ZFYVE16: variants seen among roughly 807,000 people sequenced by gnomAD.
ZFYVE16 encodes the protein zinc finger FYVE-type containing 16.
ZFYVE16 carries 89 observed loss-of-function variants against 138.1 expected under a neutral mutation model. The ratio of observed to expected loss-of-function variants is 0.64; its 90% confidence interval spans 0.54 to 0.77. The LOEUF (loss-of-function observed/expected upper bound fraction) is 0.77. Among genes scored for constraint, ZFYVE16 ranks in the 30% least tolerant of loss-of-function variants. The probability of loss-of-function intolerance (pLI) is 0.00; values close to 1 mark genes in which losing one functional copy is unlikely to be tolerated. For missense variants in ZFYVE16, 1,793 were observed against 1,786.7 expected (o/e 1.00, Z -0.06); for synonymous variants, 596 against 618.3 (o/e 0.96, Z 0.53).
In ZFYVE16 at chr5:80,438,928, C is replaced by G. The variant is rs772240800; in HGVS notation, c.2243C>G (p.Ser748Ter). 11 of 1,614,094 alleles carry G rather than the reference C, an allele frequency of 6.8e-6. No individual in the cohort carries two copies. The highest frequency in any genetic ancestry group is 1.3e-5 in the African/African-American group (1 of 75,062). Reference sequence around the variant, plus strand: ...AAACAGCCTACTTGGGTTCCTGATTCAGAAGCTCCAAACTGTATGAACTGC... The same window carrying G: ...AAACAGCCTACTTGGGTTCCTGATTGAGAAGCTCCAAACTGTATGAACTGC... Reference protein sequence around the residue: ...GQKQPTWVPDSEAPNCMNCQV... With the variant: ...GQKQPTWVPD Residue 748 changes from serine (S) to a stop codon, truncating the protein, a stop_gained, in exon 4 of 19, where the codon TCA becomes TGA. Transcript: ENST00000505560. LOFTEE classifies it high-confidence loss of function.
chr5:80,416,655 A>G (rs563474003), intron 1 of ZFYVE16, among the ~76,000 whole-genome samples: 1 of 148,598 alleles, frequency 6.7e-6, no homozygotes, highest in South Asian at 2.1e-4. Context: ...TGGGTCTTGT[A>G]TCTCTTTGAC....
intron 15 of ZFYVE16, among the ~76,000 whole-genome samples, chr5:80,465,396 C>CTTTTTTTTTTTT (rs1187412933): frequency 3.8e-3 from 101 of 26,284 alleles, no homozygotes; most frequent in Non-Finnish European, 8.5e-3. Flanking sequence ...TTTTCCTTTT[C>CTTTTTTTTTTTT]TTTGTTTTTT....
chr5:80,456,576 T>G lies in ZFYVE16; in HGVS notation c.3795+11T>G, dbSNP rs1225923475. 3.1e-6 allele frequency: 5 copies of G among 1,592,226 alleles called. No homozygotes were observed. Among genetic ancestry groups the G allele is most frequent in the Non-Finnish European group, 4.3e-6 (5 of 1,164,698 alleles). On this transcript the variant is annotated intron_variant, in intron 13 of 18. Transcript: ENST00000505560. The stretch of plus-strand genomic sequence containing the variant: ...AAAAAGTACAGTGATGTAAGTATAA[T>G]TGTTTTATTCAAATGACAATTATTG...
rs1321722842 is a variant in ZFYVE16 at position 80,483,269 on chromosome 5, G to C, written c.*5892G>C. 1.3e-5 allele frequency: 2 copies of C among 152,154 alleles called. No individual in the cohort carries two copies. Among genetic ancestry groups the C allele is most frequent in the Non-Finnish European group, 2.9e-5 (2 of 68,024 alleles). The allele number at this position is 152,154 out of a possible 1,614,324, so 9.4% of individuals were successfully genotyped here. ...AAGGAAGTTCATGGGGAAGGAAAATGATTGCAAAGAAGGAAGAGCAACCAA... is the reference window on the plus strand; with the variant it reads ...AAGGAAGTTCATGGGGAAGGAAAATCATTGCAAAGAAGGAAGAGCAACCAA... On this transcript the variant is annotated 3_prime_UTR_variant, in exon 19 of 19. Transcript: ENST00000505560.
At chr5:80,409,866 A>G (rs752545602) in intron 1 of ZFYVE16, 4 of 152,196 alleles carry the variant, frequency 2.6e-5, no homozygotes, top group Non-Finnish European at 5.9e-5. Context: ...TTAAAATTTT[A>G]CACTGTTACA....
At chr5:80,426,011 A>G (rs896818966) in intron 1 of ZFYVE16, among the ~76,000 whole-genome samples, 52 of 152,132 alleles carry the variant, frequency 3.4e-4, no homozygotes, top group African/African-American at 1.2e-3. Flanking sequence ...TTCATCAGTA[A>G]TTATTTTGTT....
Position 80,445,349 on chromosome 5 carries a change from T to C in ZFYVE16, c.2668T>C (p.Ser890Pro), listed in dbSNP as rs146812154. 1,001 of 1,614,006 alleles carry C rather than the reference T, an allele frequency of 6.2e-4. No individual in the cohort carries two copies. Among genetic ancestry groups the C allele is most frequent in the Non-Finnish European group, 8.0e-4 (945 of 1,179,946 alleles). ...AGTTGCAGATACAACAAAATTATCA[T>C]CTGGAAGTAAAAGATGTTCTGAAGA... ...GEVADTTKLS[S>P]GSKRCSEDFS... Residue 890 changes from serine to proline, a missense_variant, in exon 7 of 19, where the codon TCT (serine) becomes CCT (proline). Ser to Pro is a moderately conservative substitution (Grantham distance 74, BLOSUM62 -1). Around this residue, in one of 2 missense-constraint regions of ZFYVE16, gnomAD observed 1,295 missense variants for 1,204.3 expected, o/e 1.08. Coordinates refer to ENST00000505560, the MANE Select transcript of ZFYVE16 (RefSeq NM_001284236.3).
At chr5:80,417,620 A>ATAC (rs1426883345) in intron 1 of ZFYVE16, among the ~76,000 whole-genome samples, 2 of 152,210 alleles carry the variant, frequency 1.3e-5, no homozygotes, top group Non-Finnish European at 2.9e-5. Flanking sequence ...AGTATACAGT[A>ATAC]AGATTCACTC....
At chr5:80,443,426 G>C in intron 6 of ZFYVE16, 142 bp downstream of exon 6, 1 of 1,042,564 alleles carries the variant, frequency 9.6e-7, no homozygotes, top group Non-Finnish European at 1.4e-6. Flanking sequence ...TACACATGCA[G>C]GCTGGAAGAC....
chr5:80,481,094 C>T lies in ZFYVE16; in HGVS notation c.*3717C>T, dbSNP rs755219372. Among the ~76,000 whole-genome samples, 13 of 151,858 alleles carry T rather than the reference C, an allele frequency of 8.6e-5. No homozygotes were observed. Among genetic ancestry groups the T allele is most frequent in the Non-Finnish European group, 1.8e-4 (12 of 67,976 alleles). ...AGCCTCAGGAAAGATGCAGTAAGACCCACCGCCCCACCAGGAGAACCATGG... is the reference window on the plus strand; with the variant it reads ...AGCCTCAGGAAAGATGCAGTAAGACTCACCGCCCCACCAGGAGAACCATGG... On this transcript the variant is annotated 3_prime_UTR_variant, in exon 19 of 19. Coordinates refer to ENST00000505560, the MANE Select transcript of ZFYVE16 (RefSeq NM_001284236.3).
At chr5:80,422,816 T>C (rs1229032122) in intron 1 of ZFYVE16, among the ~76,000 whole-genome samples, 1 of 152,198 alleles carries the variant, frequency 6.6e-6, no homozygotes, top group Non-Finnish European at 1.5e-5. Context: ...TTTGTTAATA[T>C]GGTAGATTAT....
chr5:80,452,573 T>C (rs1160319877), intron 11 of ZFYVE16: 2 of 152,186 alleles, frequency 1.3e-5, no homozygotes, highest in African/African-American at 4.8e-5. Context: ...GGGAGTTTGT[T>C]ATGTTGCCTG....
At position 80,438,879 on chromosome 5, in the gene ZFYVE16, A is replaced by G; in HGVS notation, c.2194A>G (p.Lys732Glu). ...AGATTCTGTACCTGAAAACACTTGC[A>G]AAGAAGGCTTGGTTTTGGGCCAGAA... is the stretch of plus-strand genomic sequence containing the variant. ...NEDSVPENTCKEGLVLGQKQP... is the reference protein window; with the variant it reads ...NEDSVPENTCEEGLVLGQKQP... Residue 732 changes from lysine to glutamate, a missense_variant, in exon 4 of 19, where the codon AAA (lysine) becomes GAA (glutamate). Around this residue, in one of 2 missense-constraint regions of ZFYVE16, gnomAD observed 1,295 missense variants for 1,204.3 expected, o/e 1.08. Coordinates refer to ENST00000505560, the MANE Select transcript of ZFYVE16 (RefSeq NM_001284236.3). 1 of 1,614,106 alleles carries G rather than the reference A, an allele frequency of 6.2e-7. No individual in the cohort carries two copies. The highest frequency in any genetic ancestry group is 1.1e-5 in the South Asian group (1 of 91,084).
chr5:80,472,962 G>A, intron 16 of ZFYVE16, 39 bp downstream of exon 16: 6 of 1,497,882 alleles, frequency 4.0e-6, no homozygotes, highest in South Asian at 1.3e-5. Context: ...TTGATTTGAA[G>A]GAAAGTGCAG....
Position 80,437,944 on chromosome 5 carries a change from GTGT to G in ZFYVE16, c.1264_1266del (p.Val422del). 1 of 1,613,874 alleles carries G rather than the reference GTGT, an allele frequency of 6.2e-7. No homozygotes were observed. Among genetic ancestry groups the G allele is most frequent in the South Asian group, 1.1e-5 (1 of 91,074 alleles). ...ACTATACATGAAGAAATACAGAACA[GTGT>G]TGTTCTAGGTGGGGAACCATTCAAA... On this transcript the variant is annotated inframe_deletion, in exon 4 of 19. Coordinates refer to ENST00000505560, the MANE Select transcript of ZFYVE16 (RefSeq NM_001284236.3).
intron 15 of ZFYVE16, among the ~76,000 whole-genome samples, chr5:80,464,464 C>T (rs1165593409): frequency 6.6e-6 from 1 of 152,164 alleles, no homozygotes; most frequent in South Asian, 2.1e-4. Context: ...TCCACCTGGT[C>T]TCTCCCTTGA....
rs1217436043 is a variant in ZFYVE16, at chr5:80,477,199, A to G, written c.4462-20A>G. 1.9e-6 allele frequency: 3 copies of G among 1,570,754 alleles called. No individual in the cohort carries two copies. Reference sequence around the variant, plus strand: ...AACAAGATTGCTCATTTTCTTATCAAGAATTTTTTTTTTTTCTAGGTTGAA... The same window carrying G: ...AACAAGATTGCTCATTTTCTTATCAGGAATTTTTTTTTTTTCTAGGTTGAA... On this transcript the variant is annotated intron_variant, in intron 18 of 18. Transcript: ENST00000505560.
intron 3 of ZFYVE16, among the ~76,000 whole-genome samples, chr5:80,434,698 G>C (rs574973834): frequency 6.6e-6 from 1 of 151,996 alleles, no homozygotes; most frequent in African/African-American, 2.4e-5. Flanking sequence ...CTCGAATTCC[G>C]GGGTTCAAGT....
chr5:80,410,470 A>G (rs1745250068), intron 1 of ZFYVE16: 1 of 152,176 alleles, frequency 6.6e-6, no homozygotes, highest in South Asian at 2.1e-4. Context: ...TAATCTTACT[A>G]GTTGTCTGTT....
Sources: gnomAD v4.1 joint callset for allele counts (sites outside exome capture counted in the v4.1 genomes callset) on GRCh38, gnomAD v4.1.1 for gene constraint, gnomAD v4.1.1 regional missense constraint, MANE v1.5 for transcripts, NCBI Gene and HGNC (gene_info 2026-07-23, HGNC 2026-07-21) for gene names.